The following HAO2 variants were observed in gnomAD, a reference collection of about 807,000 sequenced individuals.
HAO2 encodes the protein hydroxyacid oxidase 2.
In HAO2, 42 loss-of-function variants were observed where a neutral mutation model predicts 37.4. The ratio of observed to expected loss-of-function variants is 1.12; its 90% CI spans 0.88 to 1.45. The LOEUF (loss-of-function observed/expected upper bound fraction) is 1.45. Ranked by LOEUF, HAO2 falls within the 40% of genes most tolerant of loss-of-function variation. HAO2 has a pLI of 0.00. For missense variants in HAO2, 476 were observed against 430.2 expected (o/e 1.11, Z -0.94); for synonymous variants, 180 against 162.8 (o/e 1.11, Z -0.81).
At chr1:119,375,467 A>T (rs1369425067) in intron 1 of HAO2, among the ~76,000 whole-genome samples, 3 of 152,126 alleles carry the variant, frequency 2.0e-5, no homozygotes, top group African/African-American at 7.2e-5. Context: ...AACCTACAAA[A>T]TTATCTCGAG....
rs376495494 is a variant in HAO2 at position 119,389,268 on chromosome 1, A to G, written c.771+2437A>G. ...TGCTGCTATAAACATGCGTGCAAGTATCATTTTCATATAATGACTTCTTTT... is the reference window on the plus strand; with the variant it reads ...TGCTGCTATAAACATGCGTGCAAGTGTCATTTTCATATAATGACTTCTTTT... On this transcript the variant is annotated intron_variant, in intron 5 of 7. Coordinates refer to ENST00000325945, the MANE Select transcript of HAO2 (RefSeq NM_016527.4). Among the ~76,000 whole-genome samples, 7 of 146,314 alleles carry G rather than the reference A, an allele frequency of 4.8e-5. No individual in the cohort carries two copies. In the East Asian group the frequency reaches 1.2e-3, roughly 25 times the overall value.
intron 1 of HAO2, among the ~76,000 whole-genome samples, chr1:119,373,321 T>C (rs1049289282): frequency 2.6e-5 from 4 of 152,196 alleles, no homozygotes; most frequent in African/African-American, 9.7e-5. Flanking sequence ...AATTCTCATG[T>C]AAGGAGAAGC....
At position 119,385,399 on chromosome 1, in the gene HAO2, C is replaced by T. The variant is rs1650297404; in HGVS notation, c.561+346C>T. On this transcript the variant is annotated intron_variant, in intron 4 of 7. Coordinates refer to ENST00000325945, the MANE Select transcript of HAO2 (RefSeq NM_016527.4). Reference sequence around the variant, plus strand: ...AAAAAAGTTCATGTAACATTTTCTACTTTATGACACACTCAGAAAATGCTA... The same window carrying T: ...AAAAAAGTTCATGTAACATTTTCTATTTTATGACACACTCAGAAAATGCTA... 4.2e-6 allele frequency: 4 copies of T among 951,514 alleles called. No homozygotes were observed. The South Asian group carries it at 1.9e-4, about 46-fold the overall frequency. The allele number at this position is 951,514 out of a possible 1,614,324, so 58.9% of individuals were successfully genotyped here. A position where few individuals can be genotyped will look rare whatever the true frequency, so the allele number is the denominator to read the frequency against.
At position 119,384,759 on chromosome 1, in the gene HAO2, T is replaced by C. The variant is rs1405022767; in HGVS notation, c.284-17T>C. On this transcript the variant is annotated splice_polypyrimidine_tract_variant and intron_variant, in intron 3 of 7. Transcript: ENST00000325945. ...GGCCTCTGCCCTCCAGCCTGAGTCA[T>C]GTCCTTTGCTTTACAGCTGCCCAAG... 3 of 1,612,294 alleles carry C rather than the reference T, an allele frequency of 1.9e-6. No individual in the cohort carries two copies. The highest frequency in any genetic ancestry group is 1.7e-4 in the Middle Eastern group (1 of 5,964).
Position 119,392,268 on chromosome 1 carries a change from G to A in HAO2, c.930G>A (p.Lys310=). The part of the protein sequence containing the change: ...GRPILWGLAC[K]GEHGVKEVLN... ...CAATCCTATGGGGCCTTGCCTGCAAGGTGAGAGTGGCAAAGCAAACCAGCA... is the reference window on the plus strand; with the variant it reads ...CAATCCTATGGGGCCTTGCCTGCAAAGTGAGAGTGGCAAAGCAAACCAGCA... The change falls in exon 6 of 8, where the codon AAG becomes AAA. Residue 310 remains lysine, a splice_region_variant and synonymous_variant. Transcript: ENST00000325945. 3 of 1,606,596 alleles carry A rather than the reference G, an allele frequency of 1.9e-6. No homozygotes were observed. The highest frequency in any genetic ancestry group is 2.6e-6 in the Non-Finnish European group (3 of 1,176,276).
chr1:119,373,900 T>C (rs1649232905), intron 1 of HAO2, among the ~76,000 whole-genome samples: 1 of 152,036 alleles, frequency 6.6e-6, no homozygotes, highest in South Asian at 2.1e-4. Context: ...AAAAGGGCCA[T>C]TATGGTTCAG....
intron 1 of HAO2, among the ~76,000 whole-genome samples, chr1:119,371,836 A>G (rs995738363): frequency 5.3e-5 from 8 of 152,342 alleles, no homozygotes; most frequent in Admixed American, 2.6e-4. Context: ...TTAAGGAACC[A>G]TCATGCTGCC....
At chr1:119,385,769 C>T (rs1650334494) in intron 4 of HAO2, 1 of 985,164 alleles carries the variant, frequency 1.0e-6, no homozygotes, top group African/African-American at 1.7e-5. Context: ...AACTGTGACA[C>T]CAAGCCAAGT....
In HAO2 at chr1:119,385,938, C is replaced by T. The variant is rs113652785; in HGVS notation, c.562-684C>T. 7.5e-5 allele frequency: 72 copies of T among 957,054 alleles called. No homozygotes were observed. The African/African-American group carries it at 1.2e-3, about 16-fold the overall frequency. The allele number at this position is 957,054 out of a possible 1,614,324, so 59.3% of individuals were successfully genotyped here. A position where few individuals can be genotyped will look rare whatever the true frequency, so the allele number is the denominator to read the frequency against. ...TGATTTAGTATTGCTTAGTTCTTAT[C>T]CTGGGTATGCCTCAACCGTAACATA... On this transcript the variant is annotated intron_variant, in intron 4 of 7. Transcript: ENST00000325945.
intron 1 of HAO2, 41 bp from the exon 2 acceptor site, chr1:119,381,037 T>C: frequency 6.3e-7 from 1 of 1,586,362 alleles, no homozygotes; most frequent in Non-Finnish European, 8.7e-7. Context: ...ATCTGAAGTG[T>C]TCTCACTGGG....
At chr1:119,383,360 C>T (rs1031714886) in intron 3 of HAO2, among the ~76,000 whole-genome samples, 1 of 152,220 alleles carries the variant, frequency 6.6e-6, no homozygotes, top group Non-Finnish European at 1.5e-5. Flanking sequence ...TTCTGGCTCA[C>T]ACCATCTGTA....
chr1:119,385,656 A>G, intron 4 of HAO2: 1 of 985,268 alleles, frequency 1.0e-6, no homozygotes. Flanking sequence ...TTAAAATCCT[A>G]CAATTAAATG....
Position 119,381,215 on chromosome 1 carries a change from A to G in HAO2, c.130A>G (p.Arg44Gly). The G allele has an allele frequency of 6.2e-7, 1 of 1,608,470 alleles. No homozygotes were observed. Among genetic ancestry groups the G allele is most frequent in the East Asian group, 2.2e-5 (1 of 44,840 alleles). Residue 44 changes from arginine (R) to glycine (G), a missense_variant and splice_region_variant, in exon 2 of 8, where the codon AGA becomes GGA. Coordinates refer to ENST00000325945, the MANE Select transcript of HAO2 (RefSeq NM_016527.4). Reference sequence around the variant, plus strand: ...GGATGACAACATTGCAGCATTTAAAAGGTGTGGTCTTCTGTAGCCTGTCTA... The same window carrying G: ...GGATGACAACATTGCAGCATTTAAAGGGTGTGGTCTTCTGTAGCCTGTCTA... Reference protein sequence around the residue: ...TRDDNIAAFKRIRLRPRYLRD... With the variant: ...TRDDNIAAFKGIRLRPRYLRD...
intron 1 of HAO2, among the ~76,000 whole-genome samples, chr1:119,374,630 G>A (rs3765953): frequency 0.41 from 61,932 of 151,968 alleles, 14,791 homozygotes; most frequent in Non-Finnish European, 0.52. Context: ...TTTCTCCCCC[G>A]TTGTATCTCC....
At chr1:119,384,226 C>A (rs1331741060) in intron 3 of HAO2, among the ~76,000 whole-genome samples, 3 of 152,186 alleles carry the variant, frequency 2.0e-5, no homozygotes, top group African/African-American at 7.2e-5. Flanking sequence ...TAGCTAGTAT[C>A]TTATTCAGTC....
At chr1:119,370,136 G>C (rs946019353) in intron 1 of HAO2, 1 of 152,136 alleles carries the variant, frequency 6.6e-6, no homozygotes, top group Non-Finnish European at 1.5e-5. Flanking sequence ...CAAAGCTGGA[G>C]GGTCACATAC....
At chr1:119,390,712 A>G (rs1273398010) in intron 5 of HAO2, among the ~76,000 whole-genome samples, 1 of 152,220 alleles carries the variant, frequency 6.6e-6, no homozygotes, top group Non-Finnish European at 1.5e-5. Context: ...AGAACAGGAC[A>G]TTCATTAGAG....
chr1:119,386,856 G>C (rs767055585), intron 5 of HAO2, 25 bp downstream of exon 5: 1 of 1,472,858 alleles, frequency 6.8e-7, no homozygotes, highest in Non-Finnish European at 9.5e-7. Context: ...TTCAGAGAAG[G>C]GTGTGTTTGT....
chr1:119,380,399 GTGACCCTTGAGCCTCC>G, intron 1 of HAO2: 1 of 368,328 alleles, frequency 2.7e-6, no homozygotes, highest in East Asian at 4.2e-5. Flanking sequence ...AAGGTAGATG[GTGACCCTTGAGCCTCC>G]TAATAATATT....
Sources: gnomAD v4.1 joint callset for allele counts (sites outside exome capture counted in the v4.1 genomes callset) on GRCh38, gnomAD v4.1.1 for gene constraint, MANE v1.5 for transcripts, NCBI Gene and HGNC (gene_info 2026-07-23, HGNC 2026-07-21) for gene names.